The following UMAD1 variants were observed in gnomAD, a reference collection of about 807,000 sequenced individuals.
The protein encoded by UMAD1 is UBAP1-MVB12-associated (UMA) domain containing 1, also known as UBAP1-MVB12-associated (UMA)-domain containing protein 1.
Under a neutral mutation model 6.1 loss-of-function variants are expected in UMAD1, and 8 were observed. The observed-to-expected ratio is 1.30, with a 90% CI of 0.76 to 2.35. UMAD1 has a LOEUF of 2.35. UMAD1 is among the 30% of genes most tolerant of loss of function. The pLI, the probability that UMAD1 is intolerant of heterozygous loss-of-function variation, is 0.00. For synonymous variants in UMAD1, 56 were observed against 31.4 expected (o/e 1.78, Z -2.61); for missense variants, 130 against 78.4 (o/e 1.66, Z -2.49).
chr7:7,681,932 T>A (rs371292053), intron 2 of UMAD1, among the ~76,000 whole-genome samples: 7 of 152,268 alleles, frequency 4.6e-5, no homozygotes, highest in South Asian at 4.1e-4. Context: ...GCTTATTATG[T>A]TATAGCAAAA....
chr7:7,661,964 C>A (rs1206106131), intron 1 of UMAD1, among the ~76,000 whole-genome samples: 3 of 152,138 alleles, frequency 2.0e-5, no homozygotes, highest in African/African-American at 7.2e-5. Context: ...TGTTTATAAG[C>A]CCCTGACTGG....
chr7:7,698,644 G>A (rs1367707138), intron 2 of UMAD1, among the ~76,000 whole-genome samples: 2 of 152,030 alleles, frequency 1.3e-5, no homozygotes, highest in Non-Finnish European at 2.9e-5. Context: ...CAGTTGTAAT[G>A]TGGGTGCTAC....
chr7:7,655,894 G>C (rs920999632), intron 1 of UMAD1, among the ~76,000 whole-genome samples: 21 of 152,070 alleles, frequency 1.4e-4, no homozygotes, highest in Non-Finnish European at 4.4e-5. Flanking sequence ...GGAATGCCAT[G>C]GTGTGATCTT....
chr7:7,728,051 G>GC (rs745643394), intron 2 of UMAD1, among the ~76,000 whole-genome samples: 64 of 151,864 alleles, frequency 4.2e-4, no homozygotes, highest in South Asian at 8.3e-4. Flanking sequence ...TCTTCTGTTG[G>GC]CCCTATTTTT....
At chr7:7,746,270 T>C (rs1177106405) in intron 2 of UMAD1, among the ~76,000 whole-genome samples, 3 of 152,146 alleles carry the variant, frequency 2.0e-5, no homozygotes, top group African/African-American at 7.2e-5. Flanking sequence ...GGGAAAATGA[T>C]AGAGGGAAGC....
intron 2 of UMAD1, among the ~76,000 whole-genome samples, chr7:7,738,173 G>C (rs1370880728): frequency 6.6e-6 from 1 of 152,162 alleles, no homozygotes; most frequent in East Asian, 1.9e-4. Flanking sequence ...TCTTAAAGAA[G>C]TTTAGTGTGA....
intron 2 of UMAD1, among the ~76,000 whole-genome samples, chr7:7,685,135 C>T (rs780281565): frequency 6.6e-6 from 1 of 152,016 alleles, no homozygotes; most frequent in Non-Finnish European, 1.5e-5. Context: ...GAATATTCTA[C>T]CTTGTATGAG....
At chr7:7,813,223 G>T (rs148244589) in intron 3 of UMAD1, among the ~76,000 whole-genome samples, 225 of 152,090 alleles carry the variant, frequency 1.5e-3, no homozygotes, top group African/African-American at 5.3e-3. Context: ...TGTTGTTGTT[G>T]TTGTTGTTTT....
At chr7:7,827,612 T>C (rs1354359573) in intron 3 of UMAD1, among the ~76,000 whole-genome samples, 1 of 152,128 alleles carries the variant, frequency 6.6e-6, no homozygotes, top group Non-Finnish European at 1.5e-5. Flanking sequence ...GAAAATACAG[T>C]GATACTAAAA....
intron 1 of UMAD1, among the ~76,000 whole-genome samples, chr7:7,647,347 T>C (rs912374142): frequency 5.9e-5 from 9 of 152,238 alleles, no homozygotes; most frequent in African/African-American, 2.2e-4. Context: ...TGTCTAATTC[T>C]TTGCAATTAT....
chr7:7,668,840 C>T (rs1779534673), intron 1 of UMAD1, among the ~76,000 whole-genome samples: 1 of 152,188 alleles, frequency 6.6e-6, no homozygotes, highest in East Asian at 1.9e-4. Flanking sequence ...GCTCTTCTGG[C>T]AGCTTAAGCC....
intron 2 of UMAD1, among the ~76,000 whole-genome samples, chr7:7,698,893 C>T (rs1263352803): frequency 7.1e-6 from 1 of 140,106 alleles, no homozygotes; most frequent in Non-Finnish European, 1.5e-5. Context: ...TTTTTTGAGA[C>T]AGTCTCACCC....
rs561048580 is a variant in UMAD1, at chr7:7,802,304, G to A, written c.156+561G>A. Among the ~76,000 whole-genome samples, 11 of 152,122 alleles carry A rather than the reference G, an allele frequency of 7.2e-5. No homozygotes were observed. The South Asian group carries it at 1.5e-3, about 20-fold the overall frequency. On this transcript the variant is annotated intron_variant, in intron 3 of 3. Coordinates refer to ENST00000682710, the MANE Select transcript of UMAD1 (RefSeq NM_001302348.2). The stretch of plus-strand genomic sequence containing the variant: ...GAGGCAGGAGACTCGCTTGAACCCC[G>A]GAGGTGGAGGTTGCAGTGAGCCTAG...
chr7:7,841,741 G>A (rs1477756321), intron 3 of UMAD1, among the ~76,000 whole-genome samples: 1 of 152,150 alleles, frequency 6.6e-6, no homozygotes, highest in East Asian at 1.9e-4. Flanking sequence ...ATCCCCATTT[G>A]GAACATTCCA....
At chr7:7,829,261 G>A (rs930706129) in intron 3 of UMAD1, among the ~76,000 whole-genome samples, 8 of 151,920 alleles carry the variant, frequency 5.3e-5, no homozygotes, top group Non-Finnish European at 7.4e-5. Flanking sequence ...ATGAGCAGCA[G>A]CAATCACTTG....
chr7:7,785,031 G>A (rs1015386073), intron 2 of UMAD1, among the ~76,000 whole-genome samples: 1 of 152,172 alleles, frequency 6.6e-6, no homozygotes, highest in Non-Finnish European at 1.5e-5. Context: ...GGCATGTGTA[G>A]TATTTGTGGA....
intron 3 of UMAD1, among the ~76,000 whole-genome samples, chr7:7,845,875 T>C (rs763941172): frequency 2.0e-5 from 3 of 152,152 alleles, no homozygotes; most frequent in Non-Finnish European, 4.4e-5. Flanking sequence ...TGTTAGCATA[T>C]AACTGGGAAA....
At chr7:7,836,185 T>C (rs1397511202) in intron 3 of UMAD1, among the ~76,000 whole-genome samples, 1 of 152,080 alleles carries the variant, frequency 6.6e-6, no homozygotes, top group South Asian at 2.1e-4. Context: ...TTGTGTACAA[T>C]AATTTAACCT....
intron 3 of UMAD1, among the ~76,000 whole-genome samples, chr7:7,805,457 T>C (rs1782893753): frequency 6.6e-6 from 1 of 152,158 alleles, no homozygotes; most frequent in Non-Finnish European, 1.5e-5. Context: ...TGACTGCTGC[T>C]CAACGTCATC....
Sources: allele counts gnomAD v4.1 joint callset (sites outside exome capture counted in the v4.1 genomes callset), GRCh38; gene constraint gnomAD v4.1.1; transcripts MANE v1.5; gene names NCBI Gene and HGNC (gene_info 2026-07-23, HGNC 2026-07-21).